SKIC8: variants seen among roughly 807,000 people sequenced by gnomAD.
SKIC8 encodes the protein SKI8 subunit of superkiller complex.
the SKIC8 span, chr15:78,295,322 G>A: frequency 1.8e-6 from 1 of 556,540 alleles, no homozygotes; most frequent in Non-Finnish European, 3.2e-6. Flanking sequence ...AGAACACACA[G>A]CCTGCCTAAC....
chr15:78,292,696 G>A, the SKIC8 span: 12 of 1,614,092 alleles, frequency 7.4e-6, no homozygotes, highest in African/African-American at 1.3e-5. Context: ...AGAGCTGGAT[G>A]CAGCAATGGG....
chr15:78,296,275 G>A, the SKIC8 span, among the ~76,000 whole-genome samples: 60 of 152,018 alleles, frequency 3.9e-4, no homozygotes, highest in African/African-American at 1.3e-3. Context: ...GTGTAGTGGC[G>A]CACACCTGTA....
chr15:78,292,748 G>A, the SKIC8 span: 2 of 1,614,134 alleles, frequency 1.2e-6, no homozygotes, highest in Non-Finnish European at 1.7e-6. Flanking sequence ...CCCAGCTGAT[G>A]TCCCTCCAGA....
At chr15:78,285,433 C>G in the SKIC8 span, 1 of 1,084,916 alleles carries the variant, frequency 9.2e-7, no homozygotes, top group Admixed American at 1.8e-5. Context: ...ACTTCAGACC[C>G]CCCAACCCCA....
the SKIC8 span, among the ~76,000 whole-genome samples, chr15:78,288,665 G>T: frequency 3.3e-5 from 5 of 151,904 alleles, no homozygotes; most frequent in Admixed American, 2.6e-4. Context: ...GGCCACACAA[G>T]GATATATACA....
the SKIC8 span, chr15:78,294,788 T>C: frequency 3.1e-6 from 2 of 639,280 alleles, no homozygotes; most frequent in Non-Finnish European, 5.3e-6. Context: ...GTTGTTGTTG[T>C]TGTCTGTTTT....
the SKIC8 span, chr15:78,284,880 T>G: frequency 5.1e-6 from 1 of 194,198 alleles, no homozygotes; most frequent in Non-Finnish European, 1.1e-5. Flanking sequence ...GCGATGATTG[T>G]GTTTAAGCAA....
the SKIC8 span, among the ~76,000 whole-genome samples, chr15:78,293,804 TGAA>T: frequency 6.6e-6 from 1 of 152,220 alleles, no homozygotes; most frequent in Non-Finnish European, 1.5e-5. Context: ...AACAATCCTA[TGAA>T]GTGGGTACTA....
the SKIC8 span, chr15:78,292,552 C>G: frequency 6.2e-7 from 1 of 1,604,854 alleles, no homozygotes; most frequent in Non-Finnish European, 8.5e-7. Flanking sequence ...CACATTCTAT[C>G]CCTAAAGATT....
At chr15:78,297,169 C>T in the SKIC8 span, among the ~76,000 whole-genome samples, 1 of 152,194 alleles carries the variant, frequency 6.6e-6, no homozygotes, top group Admixed American at 6.5e-5. Context: ...GGGGCTATCT[C>T]AAACAGTGGA....
the SKIC8 span, among the ~76,000 whole-genome samples, chr15:78,297,195 C>T: frequency 6.6e-6 from 1 of 152,136 alleles, no homozygotes; most frequent in Non-Finnish European, 1.5e-5. Flanking sequence ...CGACAAAAAG[C>T]ACAAAGATGA....
At chr15:78,285,430 AC>A in the SKIC8 span, 13 of 1,096,098 alleles carry the variant, frequency 1.2e-5, no homozygotes, top group Admixed American at 1.8e-5. Context: ...CTAACTTCAG[AC>A]CCCCCAACCC....
the SKIC8 span, chr15:78,291,694 G>A: frequency 2.0e-5 from 3 of 152,170 alleles, no homozygotes; most frequent in African/African-American, 7.2e-5. Flanking sequence ...TCCAATACAG[G>A]AACAGCCTAG....
At chr15:78,287,908 C>A in the SKIC8 span, among the ~76,000 whole-genome samples, 1 of 152,190 alleles carries the variant, frequency 6.6e-6, no homozygotes, top group African/African-American at 2.4e-5. Context: ...GCTAGAACAG[C>A]CCTACCCTTG....
the SKIC8 span, chr15:78,295,877 A>G: frequency 1.1e-5 from 6 of 536,840 alleles, no homozygotes; most frequent in African/African-American, 3.8e-5. Flanking sequence ...CCTCCTTCGC[A>G]CTCCCTACCA....
the SKIC8 span, chr15:78,295,415 TTTTG>T: frequency 1.6e-5 from 9 of 561,374 alleles, no homozygotes; most frequent in South Asian, 4.0e-5. Flanking sequence ...TTTTTTTTTT[TTTTG>T]TACAACATCT....
At chr15:78,283,532 A>T in the SKIC8 span, 7 of 1,590,406 alleles carry the variant, frequency 4.4e-6, no homozygotes, top group Admixed American at 5.1e-5. Context: ...CTGTAAATTT[A>T]AAAAAAGATA....
chr15:78,288,209 C>A, the SKIC8 span: 3 of 1,449,420 alleles, frequency 2.1e-6, no homozygotes, highest in Non-Finnish European at 2.9e-6. Context: ...TTTACTAGGG[C>A]TCCTCCCTAG....
the SKIC8 span, chr15:78,294,989 A>G: frequency 2.5e-6 from 4 of 1,614,118 alleles, no homozygotes; most frequent in Admixed American, 6.7e-5. Context: ...AAAGAACAGA[A>G]GCCACATTAA....
Sources: allele counts gnomAD v4.1 joint callset (sites outside exome capture counted in the v4.1 genomes callset), GRCh38; gene constraint gnomAD v4.1.1; transcripts MANE v1.5; gene names NCBI Gene and HGNC (gene_info 2026-07-23, HGNC 2026-07-21).